The following SPTBN5 variants were observed in gnomAD, a reference collection of about 807,000 sequenced individuals.
The protein encoded by SPTBN5 is spectrin beta, non-erythrocytic 5.
In SPTBN5, 513 loss-of-function variants were observed where a neutral mutation model predicts 477.6. The observed-to-expected ratio is 1.07, with a 90% CI of 1.00 to 1.16. The LOEUF (loss-of-function observed/expected upper bound fraction) is 1.16, where lower values mean the gene tolerates loss of function less well. Ranked by LOEUF, SPTBN5 falls within the 50% of genes most tolerant of loss-of-function variation. The probability of loss-of-function intolerance (pLI) is 0.00; values close to 1 mark genes in which losing one functional copy is unlikely to be tolerated. For synonymous variants in SPTBN5, 2,169 were observed against 2,011.7 expected, an observed-to-expected ratio of 1.08 and a Z score of -2.09; for missense variants, 5,062 against 4,731.8, an observed-to-expected ratio of 1.07 and a Z score of -2.05.
rs548473988 is a variant in SPTBN5, at chr15:41,857,568, C to T, written c.8364+5G>A. On this transcript the variant is annotated splice_donor_5th_base_variant and intron_variant, in intron 50 of 67. Transcript: ENST00000320955. The stretch of plus-strand genomic sequence containing the variant: ...CCAGCCACCCCTCGGCCTGCACAAC[C>T]TCACCTCACAGGCCTTCTGGAGCTT... 1.4e-5 allele frequency: 22 copies of T among 1,609,158 alleles called. No homozygotes were observed. Among genetic ancestry groups the T allele is most frequent in the Non-Finnish European group, 1.8e-5 (21 of 1,177,586 alleles).
chr15:41,878,565 G>A lies in SPTBN5; in HGVS notation c.3247C>T (p.Leu1083=). The A allele has an allele frequency of 1.2e-6, 2 of 1,612,808 alleles. No individual in the cohort carries two copies. The highest frequency in any genetic ancestry group is 1.1e-5 in the South Asian group (1 of 90,968). ...ACTTGTTCCTGTACTTGCTTCAGCA[G>A]CCCCTGCAGTGTCTCCACCTGTCCT... ...LQGQVETLQG[L]LKQVQEQVAQ... Residue 1083 remains leucine (L), a synonymous_variant, in exon 17 of 68, where the codon CTG becomes TTG. Transcript: ENST00000320955.
rs1480378298 is a variant in SPTBN5, at chr15:41,852,863, C to G, written c.10308G>C (p.Leu3436=). 1 of 1,607,604 alleles carries G rather than the reference C, an allele frequency of 6.2e-7. No individual in the cohort carries two copies. The highest frequency in any genetic ancestry group is 1.7e-5 in the Admixed American group (1 of 59,726). The change falls in exon 60 of 68, where the codon CTG becomes CTC. Residue 3436 remains leucine, a synonymous_variant. Transcript: ENST00000320955. ...TCAGCAGGAGTCCCTCCCAGCAGGC[C>G]AGCCAGGCCTCAGCCTGCTCCAGCC... ...RQRLEQAEAW[L]ACWEGLLLKP... is the part of the protein sequence containing the mutation.
At chr15:41,849,297 C>T (rs1374951309) in intron 67 of SPTBN5, among the ~76,000 whole-genome samples, 2 of 152,214 alleles carry the variant, frequency 1.3e-5, no homozygotes, top group Non-Finnish European at 2.9e-5. Context: ...GTAAGAGCCT[C>T]CTGCCCCTGC....
At position 41,883,070 on chromosome 15, in the gene SPTBN5, ACTGGTGCC is replaced by A. The variant is rs2067028839; in HGVS notation, c.1810_1817del (p.Gly604CysfsTer43). ...TGGCCTTGGCCTGCAGCACCTCCACACTGGTGCCCAGGGAGGAGTCCAGCTCTGCTGTC... is the reference window on the plus strand; with the variant it reads ...TGGCCTTGGCCTGCAGCACCTCCACACAGGGAGGAGTCCAGCTCTGCTGTC... On this transcript the variant is annotated frameshift_variant, in exon 9 of 68. Transcript: ENST00000320955. LOFTEE classifies it high-confidence loss of function. The A allele has an allele frequency of 3.1e-6, 5 of 1,590,350 alleles. No homozygotes were observed. Among genetic ancestry groups the A allele is most frequent in the Non-Finnish European group, 4.3e-6 (5 of 1,168,848 alleles).
chr15:41,871,440 C>T lies in SPTBN5; in HGVS notation c.5382G>A (p.Ala1794=), dbSNP rs368567144. The part of the protein sequence containing the change: ...SQRVAACRLL[A]ESLLERGHSA... ...TGTGCCCACGCTCTAGCAGGCTCTC[C>T]GCCAGCAGCCGGCAGGCGGCCACCC... The change falls in exon 29 of 68, where the codon GCG becomes GCA. Residue 1794 remains alanine (A), a synonymous_variant. Coordinates refer to ENST00000320955, the MANE Select transcript of SPTBN5 (RefSeq NM_016642.4). The T allele has an allele frequency of 4.0e-4, 611 of 1,542,220 alleles. No individual in the cohort carries two copies. Among genetic ancestry groups the T allele is most frequent in the Non-Finnish European group, 4.4e-4 (498 of 1,142,960 alleles).
Position 41,860,765 on chromosome 15 carries a change from G to T in SPTBN5, c.7816-7C>A. The T allele has an allele frequency of 6.4e-7, 1 of 1,568,978 alleles. No homozygotes were observed. Among genetic ancestry groups the T allele is most frequent in the East Asian group, 2.3e-5 (1 of 43,070 alleles). ...CCATGGGGGCCAAGGGGTCCTGGTG[G>T]GAGTGGGGAACCCAATACTGTCCAT... On this transcript the variant is annotated splice_polypyrimidine_tract_variant and splice_region_variant and intron_variant, in intron 46 of 67. Transcript: ENST00000320955.
intron 4 of SPTBN5, 53 bp from the exon 5 acceptor site, chr15:41,888,138 A>T: frequency 6.6e-7 from 1 of 1,523,170 alleles, no homozygotes; most frequent in Admixed American, 2.0e-5. Context: ...GGGGAGGCAG[A>T]GAGCCTGCAG....
At chr15:41,863,182 T>C (rs981498479) in intron 41 of SPTBN5, among the ~76,000 whole-genome samples, 2 of 152,136 alleles carry the variant, frequency 1.3e-5, no homozygotes, top group African/African-American at 2.4e-5. Context: ...AGAAAGGAAA[T>C]AGAGCAAGGA....
At chr15:41,887,487 C>G (rs2067192237) in intron 5 of SPTBN5, 46 bp from the exon 6 acceptor site, 5 of 1,441,688 alleles carry the variant, frequency 3.5e-6, no homozygotes, top group Non-Finnish European at 4.8e-6. Context: ...GAACCTACTG[C>G]TTTCCTTTAA....
In SPTBN5 at chr15:41,880,362, G is replaced by A. The variant is rs972867293; in HGVS notation, c.2659-50C>T. The A allele has an allele frequency of 2.0e-6, 3 of 1,533,242 alleles. No homozygotes were observed. In the Admixed American group the frequency reaches 6.2e-5, roughly 31 times the overall value. 95.0% of individuals were successfully genotyped at this position (1,533,242 alleles called of 1,614,324 possible). A position where few individuals can be genotyped will look rare whatever the true frequency, so the allele number is the denominator to read the frequency against. ...GGGTGAGGGTCAGGGCCCCCGACAG[G>A]GCTCTCAGAGCGGGTCAAAGGGGTG... On this transcript the variant is annotated intron_variant, in intron 13 of 67. Coordinates refer to ENST00000320955, the MANE Select transcript of SPTBN5 (RefSeq NM_016642.4).
chr15:41,876,058 AG>A (rs1387934027), intron 21 of SPTBN5, 55 bp downstream of exon 21: 13 of 1,559,632 alleles, frequency 8.3e-6, no homozygotes, highest in Non-Finnish European at 1.1e-5. Context: ...GTGGTGCAGT[AG>A]GGTTGGGAAT....
intron 39 of SPTBN5, among the ~76,000 whole-genome samples, chr15:41,864,960 C>A (rs2066247019): frequency 6.6e-6 from 1 of 152,260 alleles, no homozygotes; most frequent in African/African-American, 2.4e-5. Flanking sequence ...AACCTGGCTC[C>A]TTTGCGGCAG....
At chr15:41,852,373 T>C (rs550806075) in intron 61 of SPTBN5, 57 bp from the exon 62 acceptor site, 81 of 1,504,686 alleles carry the variant, frequency 5.4e-5, no homozygotes, top group African/African-American at 1.5e-4. Context: ...CAGCCACACC[T>C]CAGGTTCCCG....
chr15:41,851,461 CA>C, intron 63 of SPTBN5, 92 bp from the exon 64 acceptor site: 1 of 970,524 alleles, frequency 1.0e-6, no homozygotes, highest in Non-Finnish European at 1.5e-6. Flanking sequence ...TGGAGCTTCC[CA>C]GGAAAAGCGG....
rs1385895077 is a variant in SPTBN5, at chr15:41,893,527, T to C, written c.-30A>G. Reference sequence around the variant, plus strand: ...CCTGCAGACTTTGGGGATGAGGAGCTGCTGGATGGCTCCCTAAACCTGGAG... The same window carrying C: ...CCTGCAGACTTTGGGGATGAGGAGCCGCTGGATGGCTCCCTAAACCTGGAG... On this transcript the variant is annotated 5_prime_UTR_variant, in exon 2 of 68. Coordinates refer to ENST00000320955, the MANE Select transcript of SPTBN5 (RefSeq NM_016642.4). 4 of 1,544,264 alleles carry C rather than the reference T, an allele frequency of 2.6e-6. No individual in the cohort carries two copies. In the African/African-American group the frequency reaches 5.4e-5, roughly 21 times the overall value.
At position 41,892,976 on chromosome 15, in the gene SPTBN5, G is replaced by A. The variant is rs759904761; in HGVS notation, c.302C>T (p.Ala101Val). The A allele has an allele frequency of 6.2e-7, 1 of 1,609,504 alleles. No homozygotes were observed. Among genetic ancestry groups the A allele is most frequent in the South Asian group, 1.1e-5 (1 of 91,082 alleles). ...LRLLELISGE[A>V]LPPPSRGRLR... ...GCGGCCCCGGCTCGGGGGTGGCAGG[G>A]CCTCCCCTGAGATGAGCTCCAGCAG... The change falls in exon 3 of 68, where the codon GCC (alanine) becomes GTC (valine). Residue 101 changes from alanine to valine, a missense_variant. Physicochemically the swap from Ala to Val is moderately conservative, Grantham distance 64. Transcript: ENST00000320955.
intron 61 of SPTBN5, 120 bp from the exon 62 acceptor site, chr15:41,852,436 A>G: frequency 7.2e-7 from 1 of 1,396,662 alleles, no homozygotes; most frequent in Non-Finnish European, 9.7e-7. Flanking sequence ...CCTCCCCATC[A>G]CTAGCTCTTT....
intron 25 of SPTBN5, 78 bp downstream of exon 25, chr15:41,873,767 C>T: frequency 6.4e-7 from 1 of 1,573,018 alleles, no homozygotes; most frequent in South Asian, 1.1e-5. Flanking sequence ...GATCCGCCTC[C>T]CTGAGAGTCC....
At chr15:41,864,730 C>T (rs963572361) in intron 39 of SPTBN5, among the ~76,000 whole-genome samples, 2 of 152,228 alleles carry the variant, frequency 1.3e-5, no homozygotes, top group African/African-American at 2.4e-5. Flanking sequence ...CCCCAGGACT[C>T]GTCTGAGCTG....
Sources: allele counts gnomAD v4.1 joint callset (sites outside exome capture counted in the v4.1 genomes callset), GRCh38; gene constraint gnomAD v4.1.1; transcripts MANE v1.5; gene names NCBI Gene and HGNC (gene_info 2026-07-23, HGNC 2026-07-21).